The following ZNF608 variants were observed in gnomAD, a reference collection of about 807,000 sequenced individuals.
ZNF608 encodes zinc finger protein 608.
ZNF608 carries 12 observed loss-of-function variants against 109.0 expected under a neutral mutation model. The observed-to-expected ratio is 0.11, with a 90% CI of 0.07 to 0.18. The LOEUF (loss-of-function observed/expected upper bound fraction) is 0.18. Ranked by LOEUF, ZNF608 falls within the 10% of genes least tolerant of loss-of-function variation. The probability of loss-of-function intolerance (pLI) is 1.00; values close to 1 mark genes in which losing one functional copy is unlikely to be tolerated. For synonymous variants in ZNF608, 732 were observed against 717.4 expected (o/e 1.02, Z -0.33); for missense variants, 1,707 against 1,879.3 (o/e 0.91, Z 1.70).
chr5:124,698,349 C>T (rs755400605), intron 3 of ZNF608, among the ~76,000 whole-genome samples: 5 of 152,180 alleles, frequency 3.3e-5, no homozygotes, highest in Non-Finnish European at 7.3e-5. Context: ...ATGACCCAGG[C>T]CTTTACTAAG....
chr5:124,725,736 T>C (rs1754112302), intron 2 of ZNF608, among the ~76,000 whole-genome samples: 1 of 152,170 alleles, frequency 6.6e-6, no homozygotes, highest in South Asian at 2.1e-4. Flanking sequence ...TCTCTGACTT[T>C]CTCCTGTTAT....
At chr5:124,685,950 AT>A (rs1204692516) in intron 3 of ZNF608, among the ~76,000 whole-genome samples, 2 of 152,198 alleles carry the variant, frequency 1.3e-5, no homozygotes, top group African/African-American at 4.8e-5. Flanking sequence ...CACTCAACAT[AT>A]GATGTGCTTT....
intron 3 of ZNF608, among the ~76,000 whole-genome samples, chr5:124,698,333 C>G (rs1185086103): frequency 1.3e-5 from 2 of 152,238 alleles, no homozygotes; most frequent in Non-Finnish European, 2.9e-5. Flanking sequence ...ATTAAACATA[C>G]ATCTTATGAC....
At chr5:124,731,976 T>C (rs1300011591) in intron 2 of ZNF608, among the ~76,000 whole-genome samples, 1 of 152,190 alleles carries the variant, frequency 6.6e-6, no homozygotes, top group African/African-American at 2.4e-5. Context: ...AAACTGAAAC[T>C]ACTTAGACCT....
intron 2 of ZNF608, among the ~76,000 whole-genome samples, chr5:124,724,598 A>G (rs1380434293): frequency 6.6e-6 from 1 of 151,188 alleles, no homozygotes; most frequent in East Asian, 1.9e-4. Flanking sequence ...AGCTATATTA[A>G]TTCAACAGCA....
At chr5:124,669,792 T>C (rs1171150877) in intron 3 of ZNF608, among the ~76,000 whole-genome samples, 3 of 152,134 alleles carry the variant, frequency 2.0e-5, no homozygotes, top group Admixed American at 2.0e-4. Context: ...TTATTACAGA[T>C]ACTAATCCCT....
intron 9 of ZNF608, chr5:124,638,851 C>A: frequency 8.8e-7 from 1 of 1,138,420 alleles, no homozygotes; most frequent in Non-Finnish European, 1.1e-6. Context: ...CAAAGGGAGT[C>A]ATGGTGAATT....
intron 3 of ZNF608, among the ~76,000 whole-genome samples, chr5:124,684,319 A>G (rs565981725): frequency 6.6e-6 from 1 of 152,312 alleles, no homozygotes; most frequent in South Asian, 2.1e-4. Flanking sequence ...AGAGATTATT[A>G]TGTACTCCAA....
At chr5:124,705,025 G>T (rs1580662904) in intron 2 of ZNF608, among the ~76,000 whole-genome samples, 3 of 152,040 alleles carry the variant, frequency 2.0e-5, no homozygotes, top group Non-Finnish European at 1.5e-5. Context: ...CCCCCCAAAA[G>T]GTTTCAGTTC....
At chr5:124,735,091 C>T (rs1280292413) in intron 2 of ZNF608, 2 of 152,200 alleles carry the variant, frequency 1.3e-5, no homozygotes, top group East Asian at 3.8e-4. Context: ...GAAACTCTTC[C>T]TCTTAAAGTA....
At chr5:124,742,412 C>A (rs1749452833) in intron 2 of ZNF608, among the ~76,000 whole-genome samples, 1 of 152,210 alleles carries the variant, frequency 6.6e-6, no homozygotes, top group African/African-American at 2.4e-5. Context: ...TCCTTAACCA[C>A]AGCCATTGTG....
At chr5:124,680,458 A>G (rs1752147125) in intron 3 of ZNF608, among the ~76,000 whole-genome samples, 1 of 152,194 alleles carries the variant, frequency 6.6e-6, no homozygotes, top group African/African-American at 2.4e-5. Flanking sequence ...GTTGGCTGCC[A>G]GCTGATCAGT....
chr5:124,641,675 T>C (rs970658675), intron 7 of ZNF608, among the ~76,000 whole-genome samples: 2 of 152,204 alleles, frequency 1.3e-5, no homozygotes, highest in Non-Finnish European at 2.9e-5. Flanking sequence ...TTTCTCTCTA[T>C]ATTCATTCAT....
At chr5:124,675,329 G>A (rs901024966) in intron 3 of ZNF608, among the ~76,000 whole-genome samples, 1 of 152,170 alleles carries the variant, frequency 6.6e-6, no homozygotes, top group Non-Finnish European at 1.5e-5. Context: ...AGCTGACTTG[G>A]AGATCATGGA....
At chr5:124,650,682 C>T (rs568122421) in intron 3 of ZNF608, among the ~76,000 whole-genome samples, 1 of 152,134 alleles carries the variant, frequency 6.6e-6, no homozygotes, top group African/African-American at 2.4e-5. Flanking sequence ...TTTAATAGAA[C>T]CTTGATTTTG....
Position 124,744,374 on chromosome 5 carries a change from C to G in ZNF608, c.616G>C (p.Asp206His). ...TTGTCCTTCCTGGATTTCCCCGCATCCTTATCCCGCTTGGCGCCTCGGCTG... is the reference window on the plus strand; with the variant it reads ...TTGTCCTTCCTGGATTTCCCCGCATGCTTATCCCGCTTGGCGCCTCGGCTG... Reference protein sequence around the residue: ...QSSRGAKRDKDAGKSRKDKHD... With the variant: ...QSSRGAKRDKHAGKSRKDKHD... The change falls in exon 2 of 10, where the codon GAT (aspartate) becomes CAT (histidine). Residue 206 changes from aspartate (D) to histidine (H), a missense_variant. Transcript: ENST00000513986. This position sits in a 1 kb window ranked among gnomAD's most constrained non-coding sequence, Gnocchi z 4.5. 6.2e-7 allele frequency: 1 copy of G among 1,614,274 alleles called. No homozygotes were observed. Among genetic ancestry groups the G allele is most frequent in the Admixed American group, 1.7e-5 (1 of 60,036 alleles).
At chr5:124,690,636 C>T (rs1752579025) in intron 3 of ZNF608, among the ~76,000 whole-genome samples, 2 of 151,944 alleles carry the variant, frequency 1.3e-5, no homozygotes, top group Admixed American at 1.3e-4. Flanking sequence ...TCGCTTGAAC[C>T]CAGGAGTTGA....
upstream of ZNF608, chr5:124,748,430 C>T: frequency 3.3e-6 from 2 of 607,442 alleles, no homozygotes; most frequent in Non-Finnish European, 4.1e-6. Context: ...AAAAGCCAAA[C>T]CCTGTAACTA....
At chr5:124,738,219 C>G (rs1156345788) in intron 2 of ZNF608, among the ~76,000 whole-genome samples, 2 of 152,180 alleles carry the variant, frequency 1.3e-5, no homozygotes, top group African/African-American at 4.8e-5. Flanking sequence ...TCCCTTTAAT[C>G]TTCAATGACT....
Sources: gnomAD v4.1 joint callset for allele counts (sites outside exome capture counted in the v4.1 genomes callset) on GRCh38, gnomAD v4.1.1 for gene constraint, Gnocchi (gnomAD v3.1) non-coding constraint, MANE v1.5 for transcripts, NCBI Gene and HGNC (gene_info 2026-07-23, HGNC 2026-07-21) for gene names.